Variants in DDX23 observed in about 807,000 individuals in gnomAD.
DDX23 encodes the protein DEAD-box helicase 23, also known as probable ATP-dependent RNA helicase DDX23.
A neutral mutation model predicts 102.7 loss-of-function variants in DDX23; 33 were observed. The observed-to-expected ratio is 0.32, with a 90% CI of 0.24 to 0.43. The LOEUF (loss-of-function observed/expected upper bound fraction) is 0.43. DDX23 is among the 20% of genes least tolerant of loss of function. DDX23 has a pLI of 1.00. For synonymous variants in DDX23, 352 were observed against 376.0 expected (o/e 0.94, Z 0.74); for missense variants, 549 against 1,086.6 (o/e 0.51, Z 6.96).
Position 48,833,239 on chromosome 12 carries a change from C to T in DDX23, c.1803+38G>A. Reference sequence around the variant, plus strand: ...AGCTCAAGTGATCCACCCGCCTTGGCCTGTCCAACTTTTCCCAGCCCAGGG... The same window carrying T: ...AGCTCAAGTGATCCACCCGCCTTGGTCTGTCCAACTTTTCCCAGCCCAGGG... On this transcript the variant is annotated intron_variant, in intron 13 of 16. Transcript: ENST00000308025. 3.1e-6 allele frequency: 5 copies of T among 1,611,588 alleles called. No individual in the cohort carries two copies. In the African/African-American group the frequency reaches 6.7e-5, roughly 21 times the overall value.
chr12:48,848,026 CT>C (rs1392262368), intron 1 of DDX23, among the ~76,000 whole-genome samples: 7 of 152,150 alleles, frequency 4.6e-5, no homozygotes, highest in Non-Finnish European at 8.8e-5. Context: ...TGGCTCACGC[CT>C]ATAATCCCAG....
At chr12:48,833,203 T>C in intron 13 of DDX23, 74 bp downstream of exon 13, 1 of 1,589,200 alleles carries the variant, frequency 6.3e-7, no homozygotes. Flanking sequence ...CAGGCTGGTC[T>C]CAAACTCCTG....
intron 1 of DDX23, among the ~76,000 whole-genome samples, chr12:48,849,818 G>T (rs1177977287): frequency 6.6e-6 from 1 of 152,188 alleles, no homozygotes; most frequent in Admixed American, 6.5e-5. Context: ...AACACGGCTT[G>T]TGCCCCCAGG....
rs770776553 is a variant in DDX23, at chr12:48,844,045, C to G, written c.215G>C (p.Arg72Pro). ...ATCTCGTTCTCGTTCTTTGTGCCGT[C>G]GTTCTCTGGAAGACCGCAAATTTAA... ...RSRSKSAERE[R>P]RHKERERDKE... Residue 72 changes from arginine to proline, a missense_variant, in exon 3 of 17, where the codon CGA (arginine) becomes CCA (proline). Coordinates refer to ENST00000308025, the MANE Select transcript of DDX23 (RefSeq NM_004818.3). 7.4e-6 allele frequency: 12 copies of G among 1,613,972 alleles called. No individual in the cohort carries two copies. The highest frequency in any genetic ancestry group is 1.0e-5 in the Non-Finnish European group (12 of 1,179,996).
At chr12:48,837,766 C>G (rs999771799) in intron 6 of DDX23, 109 bp from the exon 7 acceptor site, 30 of 1,545,626 alleles carry the variant, frequency 1.9e-5, no homozygotes, top group African/African-American at 1.2e-4. Context: ...AAGGGGTAGA[C>G]TTATGATATG....
chr12:48,831,864 C>T (rs1235667578), intron 15 of DDX23: 7 of 583,164 alleles, frequency 1.2e-5, no homozygotes, highest in African/African-American at 1.9e-5. Context: ...CCCAAGGCAG[C>T]TTTGGCTGGC....
In DDX23 at chr12:48,845,628, C is replaced by T. The variant is rs765644876; in HGVS notation, c.155G>A (p.Arg52Lys). 2 of 1,614,238 alleles carry T rather than the reference C, an allele frequency of 1.2e-6. No individual in the cohort carries two copies. Among genetic ancestry groups the T allele is most frequent in the South Asian group, 1.1e-5 (1 of 91,088 alleles). Residue 52 changes from arginine to lysine, a missense_variant, in exon 2 of 17, where the codon AGA becomes AAA. Coordinates refer to ENST00000308025, the MANE Select transcript of DDX23 (RefSeq NM_004818.3). ...GCGAGAACGGCTGCCTCCTCGACGT[C>T]TATCCCTTGAACGATGCCGCTTTCT... ...KDRKRHRSRD[R>K]RRGGSRSRSR...
chr12:48,831,370 A>G, intron 15 of DDX23, 54 bp from the exon 16 acceptor site: 2 of 1,557,200 alleles, frequency 1.3e-6, no homozygotes, highest in African/African-American at 1.4e-5. Context: ...GGAGAGACAC[A>G]GGAGTTCAGA....
chr12:48,833,585 T>C, intron 12 of DDX23, 66 bp from the exon 13 acceptor site: 2 of 1,566,488 alleles, frequency 1.3e-6, no homozygotes, highest in Non-Finnish European at 1.7e-6. Flanking sequence ...CTGTGAACTA[T>C]CCACCCACTT....
chr12:48,839,057 T>G (rs1938506967), intron 5 of DDX23, among the ~76,000 whole-genome samples: 1 of 151,966 alleles, frequency 6.6e-6, no homozygotes, highest in African/African-American at 2.4e-5. Flanking sequence ...TAAAATTTTA[T>G]AGAGATGGGT....
At chr12:48,845,891 G>A (rs1285657221) in intron 1 of DDX23, 109 bp from the exon 2 acceptor site, 5 of 1,196,968 alleles carry the variant, frequency 4.2e-6, no homozygotes, top group African/African-American at 1.5e-5. Context: ...ATATTAGTAT[G>A]TCTACCGTAC....
At chr12:48,851,607 G>T (rs903810833) in intron 1 of DDX23, among the ~76,000 whole-genome samples, 2 of 152,262 alleles carry the variant, frequency 1.3e-5, no homozygotes, top group Non-Finnish European at 2.9e-5. Context: ...AGGTGATGTG[G>T]AAGGCTTGGA....
chr12:48,844,480 T>C (rs1938628395), intron 2 of DDX23, among the ~76,000 whole-genome samples: 1 of 152,062 alleles, frequency 6.6e-6, no homozygotes, highest in Non-Finnish European at 1.5e-5. Context: ...GGTTTTGCCA[T>C]GTTGGCCAGG....
At position 48,838,076 on chromosome 12, in the gene DDX23, T is replaced by C. The variant is rs1167641601; in HGVS notation, c.485A>G (p.Lys162Arg). 4 of 1,614,186 alleles carry C rather than the reference T, an allele frequency of 2.5e-6. No individual in the cohort carries two copies. The highest frequency in any genetic ancestry group is 3.4e-6 in the Non-Finnish European group (4 of 1,180,038). Reference sequence around the variant, plus strand: ...CTCTCGTTCTGCTTTAGAGAGGAACTTGGGCTACAAAAGAGATTGGAACTG... The same window carrying C: ...CTCTCGTTCTGCTTTAGAGAGGAACCTGGGCTACAAAAGAGATTGGAACTG... ...KAEEEAEAKP[K>R]FLSKAEREAE... The change falls in exon 6 of 17, where the codon AAG (lysine) becomes AGG (arginine). Residue 162 changes from lysine to arginine, a missense_variant. By Grantham distance (26) the Lys-to-Arg change is conservative (BLOSUM62 2). Coordinates refer to ENST00000308025, the MANE Select transcript of DDX23 (RefSeq NM_004818.3).
In DDX23 at chr12:48,838,348, C is replaced by A. The variant is rs113170008; in HGVS notation, c.481-268G>T. Among the ~76,000 whole-genome samples, 1,430 of 152,124 alleles carry A rather than the reference C, an allele frequency of 9.4e-3. 28 individuals are homozygous for A. Among genetic ancestry groups the A allele is most frequent in the African/African-American group, 0.033 (1,361 of 41,480 alleles). ...GGAGGACCGCTTGAGGCCATGAGTT[C>A]AAGACCAGCCTGGGCAACATAGCAG... is the stretch of plus-strand genomic sequence containing the variant. On this transcript the variant is annotated intron_variant, in intron 5 of 16. Transcript: ENST00000308025.
At chr12:48,839,977 G>T in intron 4 of DDX23, 36 bp downstream of exon 4, 1 of 1,610,470 alleles carries the variant, frequency 6.2e-7, no homozygotes, top group South Asian at 1.1e-5. Flanking sequence ...AGCAACGCAC[G>T]AGTTGAAGAT....
intron 3 of DDX23, among the ~76,000 whole-genome samples, chr12:48,841,711 CCT>C (rs1938554294): frequency 6.6e-6 from 1 of 152,264 alleles, no homozygotes; most frequent in Non-Finnish European, 1.5e-5. Flanking sequence ...GATCCGCCAG[CCT>C]CGGCCTCCCG....
intron 3 of DDX23, among the ~76,000 whole-genome samples, chr12:48,843,556 T>C (rs1182415246): frequency 6.8e-5 from 10 of 147,024 alleles, no homozygotes; most frequent in African/African-American, 1.7e-4. Flanking sequence ...TCTTTTTTTT[T>C]TTTTTTTTTT....
chr12:48,843,369 TG>T (rs1938603475), intron 3 of DDX23, among the ~76,000 whole-genome samples: 1 of 150,120 alleles, frequency 6.7e-6, no homozygotes, highest in African/African-American at 2.5e-5. Context: ...GAGGCTGAGG[TG>T]GGTGGATCAC....
Sources: allele counts gnomAD v4.1 joint callset (sites outside exome capture counted in the v4.1 genomes callset), GRCh38; gene constraint gnomAD v4.1.1; transcripts MANE v1.5; gene names NCBI Gene and HGNC (gene_info 2026-07-23, HGNC 2026-07-21).